PATJ: variants seen among roughly 807,000 people sequenced by gnomAD.
PATJ encodes PATJ crumbs cell polarity complex component.
Under a neutral mutation model 224.9 loss-of-function variants are expected in PATJ, and 190 were observed. The observed-to-expected ratio is 0.84, with a 90% CI of 0.75 to 0.95. The LOEUF is 0.95. PATJ is among the 40% of genes least tolerant of loss of function. The probability of loss-of-function intolerance (pLI) is 0.00; values close to 1 mark genes in which losing one functional copy is unlikely to be tolerated. For synonymous variants in PATJ, 769 were observed against 820.3 expected (o/e 0.94, Z 1.07); for missense variants, 2,121 against 2,270.3 (o/e 0.93, Z 1.34).
intron 31 of PATJ, among the ~76,000 whole-genome samples, chr1:62,066,843 G>T (rs1656530768): frequency 6.6e-6 from 1 of 152,114 alleles, no homozygotes; most frequent in Non-Finnish European, 1.5e-5. Flanking sequence ...ATTGGTTGGG[G>T]GTGAATTCAT....
At chr1:62,131,374 T>G (rs549594752) in intron 41 of PATJ, among the ~76,000 whole-genome samples, 134 of 152,274 alleles carry the variant, frequency 8.8e-4, no homozygotes, top group Non-Finnish European at 1.1e-3. Flanking sequence ...AGGATCCTAC[T>G]TCAAATGGTA....
intron 24 of PATJ, among the ~76,000 whole-genome samples, chr1:61,906,037 C>T (rs1341119903): frequency 1.3e-5 from 2 of 152,196 alleles, no homozygotes; most frequent in South Asian, 2.1e-4. Context: ...AGGTTGTCAC[C>T]TATACTTCTG....
chr1:61,947,280 C>T (rs148241200), intron 27 of PATJ, among the ~76,000 whole-genome samples: 3,759 of 152,238 alleles, frequency 0.025, 148 homozygotes, highest in African/African-American at 0.086. Context: ...GTCAAACTGT[C>T]CCTGTTTGCA....
intron 31 of PATJ, chr1:62,073,131 G>A (rs1475719528): frequency 2.0e-6 from 2 of 985,150 alleles, no homozygotes; most frequent in African/African-American, 3.5e-5. Flanking sequence ...GCTCTTCTGG[G>A]GTTGCGTGCG....
chr1:62,150,740 G>A (rs1045517714), intron 42 of PATJ, among the ~76,000 whole-genome samples: 3 of 149,004 alleles, frequency 2.0e-5, no homozygotes, highest in Non-Finnish European at 3.0e-5. Flanking sequence ...AAATAGTTAA[G>A]TGTGGTGGCT....
intron 32 of PATJ, among the ~76,000 whole-genome samples, chr1:62,083,441 G>A (rs971497977): frequency 6.6e-6 from 1 of 152,166 alleles, no homozygotes; most frequent in African/African-American, 2.4e-5. Flanking sequence ...AATGTTTTGA[G>A]TTTTTAATAG....
intron 20 of PATJ, 123 bp from the exon 21 acceptor site, chr1:61,875,120 A>G: frequency 1.7e-6 from 1 of 579,268 alleles, no homozygotes; most frequent in Non-Finnish European, 3.1e-6. Context: ...ATAAACCATT[A>G]CTTGAGAATG....
At chr1:62,084,152 G>T (rs1243741567) in intron 32 of PATJ, among the ~76,000 whole-genome samples, 4 of 152,214 alleles carry the variant, frequency 2.6e-5, no homozygotes, top group Non-Finnish European at 5.9e-5. Context: ...TACTTGGGAA[G>T]CTGAGGCAGG....
At chr1:61,784,904 T>C (rs1032528950) in intron 7 of PATJ, among the ~76,000 whole-genome samples, 4 of 152,206 alleles carry the variant, frequency 2.6e-5, no homozygotes, top group African/African-American at 7.2e-5. Context: ...GTTTTCTAAG[T>C]CTTTCCAGAT....
In PATJ at chr1:62,105,358, C is replaced by T. The variant is rs549226538; in HGVS notation, c.4378-3079C>T. ...AATTCTGTAAAAGCCATGCATAGTC[C>T]GAGTGTAGTGTGTGACTCTTTCAAT... On this transcript the variant is annotated intron_variant, in intron 33 of 43. Transcript: ENST00000642238. Among the ~76,000 whole-genome samples the T allele has an allele frequency of 6.6e-5, 10 of 152,146 alleles. No individual in the cohort carries two copies. The South Asian group carries it at 2.1e-3, about 32-fold the overall frequency.
chr1:62,017,811 T>C, intron 28 of PATJ, 45 bp from the exon 29 acceptor site: 1 of 947,198 alleles, frequency 1.1e-6, no homozygotes, highest in Non-Finnish European at 1.7e-6. Flanking sequence ...ACATATATAC[T>C]TGTAGACATG....
intron 28 of PATJ, among the ~76,000 whole-genome samples, chr1:62,016,380 A>T (rs1209954597): frequency 6.6e-6 from 1 of 150,736 alleles, no homozygotes; most frequent in Non-Finnish European, 1.5e-5. Context: ...AAAATTCCAG[A>T]GACAGAACAA....
At chr1:62,107,624 G>A (rs530320580) in intron 33 of PATJ, among the ~76,000 whole-genome samples, 1 of 152,144 alleles carries the variant, frequency 6.6e-6, no homozygotes, top group South Asian at 2.1e-4. Flanking sequence ...GTGATTGATG[G>A]GACTGAGTCT....
At chr1:62,117,322 C>T in intron 37 of PATJ, 104 bp downstream of exon 37, 1 of 1,506,020 alleles carries the variant, frequency 6.6e-7, no homozygotes, top group South Asian at 1.3e-5. Context: ...TAATGTACAG[C>T]ATATTCACAG....
chr1:61,903,774 G>A (rs1671505601), intron 24 of PATJ, among the ~76,000 whole-genome samples: 1 of 87,250 alleles, frequency 1.1e-5, no homozygotes, highest in South Asian at 4.5e-4. Flanking sequence ...ATGGTACTTT[G>A]CTTTTTTTTT....
intron 27 of PATJ, among the ~76,000 whole-genome samples, chr1:61,980,466 T>A (rs1644392109): frequency 1.4e-5 from 2 of 143,926 alleles, no homozygotes; most frequent in African/African-American, 5.5e-5. Context: ...TGTGTGTGTG[T>A]GTGTGTGTGT....
At chr1:62,087,893 AT>A (rs200475132) in intron 33 of PATJ, among the ~76,000 whole-genome samples, 23,336 of 141,670 alleles carry the variant, frequency 0.16, 1,961 homozygotes, top group South Asian at 0.4. Flanking sequence ...ATTCTTTGTA[AT>A]TTTTTTTTTT....
At chr1:61,835,434 C>T (rs1486685376) in intron 17 of PATJ, among the ~76,000 whole-genome samples, 6 of 152,058 alleles carry the variant, frequency 3.9e-5, no homozygotes, top group Non-Finnish European at 7.3e-5. Context: ...GACAGAGTCT[C>T]ACTCTGTCGC....
chr1:61,973,261 T>G (rs545116944), intron 27 of PATJ, among the ~76,000 whole-genome samples: 1 of 152,056 alleles, frequency 6.6e-6, no homozygotes, highest in East Asian at 1.9e-4. Flanking sequence ...AATAAATGAC[T>G]AAAGATGACA....
Sources: gnomAD v4.1 joint callset for allele counts (sites outside exome capture counted in the v4.1 genomes callset) on GRCh38, gnomAD v4.1.1 for gene constraint, MANE v1.5 for transcripts, NCBI Gene and HGNC (gene_info 2026-07-23, HGNC 2026-07-21) for gene names.